XKR4: variants seen among roughly 807,000 people sequenced by gnomAD.
XKR4 encodes XK-related protein 4.
A neutral mutation model predicts 53.9 loss-of-function variants in XKR4; 12 were observed. That is an observed-to-expected ratio of 0.22 (90% CI 0.14 to 0.36). XKR4 has a LOEUF of 0.36. XKR4 is among the 10% of genes least tolerant of loss of function. The pLI is 1.00. For synonymous variants in XKR4, 354 were observed against 362.4 expected (o/e 0.98, Z 0.26); for missense variants, 799 against 859.5 (o/e 0.93, Z 0.88).
At position 55,103,242 on chromosome 8, in the gene XKR4, A is replaced by G. The variant is rs1456693906; in HGVS notation, c.754A>G (p.Ile252Val). The G allele has an allele frequency of 2.5e-6, 4 of 1,613,820 alleles. No individual in the cohort carries two copies. Among genetic ancestry groups the G allele is most frequent in the African/African-American group, 1.3e-5 (1 of 75,050 alleles). Residue 252 changes from isoleucine to valine, a missense_variant, in exon 1 of 3, where the codon ATC (isoleucine) becomes GTC (valine). Transcript: ENST00000327381. ...KHRSASCSFC[I>V]WLLQSLIHIL... is the part of the protein sequence containing the mutation. ...CAGGTCTGCGTCCTGCTCCTTCTGC[A>G]TCTGGCTCCTGCAGTCACTCATCCA...
intron 1 of XKR4, among the ~76,000 whole-genome samples, chr8:55,127,238 CTCTT>C (rs1486047700): frequency 0.017 from 691 of 39,900 alleles, 7 homozygotes; most frequent in African/African-American, 0.063. Flanking sequence ...AGGTGCCTAA[CTCTT>C]TTTTTTTTTT....
chr8:55,427,089 T>C (rs1482945407), intron 2 of XKR4, among the ~76,000 whole-genome samples: 1 of 152,212 alleles, frequency 6.6e-6, no homozygotes, highest in Non-Finnish European at 1.5e-5. Flanking sequence ...ATTATTACTG[T>C]AGTACTACAT....
intron 2 of XKR4, among the ~76,000 whole-genome samples, chr8:55,400,152 C>T (rs777848534): frequency 9.2e-5 from 14 of 152,162 alleles, no homozygotes; most frequent in Non-Finnish European, 2.1e-4. Flanking sequence ...CACAACCACA[C>T]ATAAGTCCAC....
chr8:55,316,384 A>G (rs1819475701), intron 1 of XKR4, among the ~76,000 whole-genome samples: 2 of 152,240 alleles, frequency 1.3e-5, no homozygotes, highest in South Asian at 4.1e-4. Context: ...ATGTAGCGAG[A>G]AAGCCAAGGA....
At chr8:55,369,401 G>GAAA (rs1322177535) in intron 2 of XKR4, among the ~76,000 whole-genome samples, 1 of 87,696 alleles carries the variant, frequency 1.1e-5, no homozygotes, top group Non-Finnish European at 2.3e-5. Flanking sequence ...GGAGGGGAGG[G>GAAA]GAGGGAAAGG....
intron 1 of XKR4, among the ~76,000 whole-genome samples, chr8:55,244,712 T>C (rs1174505901): frequency 6.6e-6 from 1 of 152,192 alleles, no homozygotes; most frequent in Non-Finnish European, 1.5e-5. Context: ...TTCTCCGCAA[T>C]CACACCAGCA....
chr8:55,217,125 C>T (rs1210801376), intron 1 of XKR4, among the ~76,000 whole-genome samples: 1 of 151,368 alleles, frequency 6.6e-6, no homozygotes, highest in East Asian at 2.0e-4. Context: ...ACCTGTAGTC[C>T]CAGCTACTCG....
In XKR4 at chr8:55,129,129, C is replaced by G. The variant is rs140089101; in HGVS notation, c.806+25835C>G. 1.2e-3 allele frequency among the ~76,000 whole-genome samples: 190 copies of G among 152,274 alleles called. 1 individual carries two copies. In the Middle Eastern group the frequency reaches 0.044, roughly 35 times the overall value. ...AATATTTTTCATAAAGTTTTTGAGA[C>G]AGCACGAACATCTGTTGAGTTTTGA... On this transcript the variant is annotated intron_variant, in intron 1 of 2. Coordinates refer to ENST00000327381, the MANE Select transcript of XKR4 (RefSeq NM_052898.2).
rs61034797 is a variant in XKR4 at position 55,207,358 on chromosome 8, C to T, written c.806+104064C>T. On this transcript the variant is annotated intron_variant, in intron 1 of 2. Transcript: ENST00000327381. ...GAGATTCAGGATGCTGTGTCAATCT[C>T]ACATTCTCTGTGACCATGCCTTTCC... 6.6e-5 allele frequency among the ~76,000 whole-genome samples: 10 copies of T among 152,296 alleles called. No homozygotes were observed. In the East Asian group the frequency reaches 1.9e-3, roughly 29 times the overall value.
At chr8:55,515,104 A>C (rs1461714601) in intron 2 of XKR4, among the ~76,000 whole-genome samples, 2 of 152,234 alleles carry the variant, frequency 1.3e-5, no homozygotes, top group Non-Finnish European at 1.5e-5. Flanking sequence ...TTTTATATTA[A>C]AACTTTTTTT....
At chr8:55,439,094 T>C (rs1480887171) in intron 2 of XKR4, among the ~76,000 whole-genome samples, 1 of 152,228 alleles carries the variant, frequency 6.6e-6, no homozygotes, top group Non-Finnish European at 1.5e-5. Context: ...GATTAAAATG[T>C]CTTTTGTGAG....
chr8:55,372,992 T>G (rs1424980923), intron 2 of XKR4, among the ~76,000 whole-genome samples: 2 of 152,104 alleles, frequency 1.3e-5, no homozygotes, highest in Non-Finnish European at 2.9e-5. Flanking sequence ...ACATGGAGAT[T>G]CACTCTTCAA....
At chr8:55,444,496 A>T (rs984004720) in intron 2 of XKR4, among the ~76,000 whole-genome samples, 6 of 152,242 alleles carry the variant, frequency 3.9e-5, no homozygotes. Flanking sequence ...TATCCAGAAT[A>T]TGTAAAGAAC....
chr8:55,176,759 A>T (rs962870755), intron 1 of XKR4, among the ~76,000 whole-genome samples: 2 of 151,852 alleles, frequency 1.3e-5, no homozygotes, highest in African/African-American at 4.8e-5. Flanking sequence ...AAAATAGCTA[A>T]TTTTTTTCTC....
At chr8:55,178,755 A>C (rs934517434) in intron 1 of XKR4, among the ~76,000 whole-genome samples, 1 of 152,188 alleles carries the variant, frequency 6.6e-6, no homozygotes, top group Non-Finnish European at 1.5e-5. Context: ...CCAGAGTTGG[A>C]AAAACCTTTT....
intron 2 of XKR4, among the ~76,000 whole-genome samples, chr8:55,486,163 G>T (rs1202087583): frequency 6.6e-6 from 1 of 152,158 alleles, no homozygotes; most frequent in East Asian, 1.9e-4. Context: ...AGAAAGTGAG[G>T]TATAAGTGCG....
chr8:55,455,533 TA>T (rs1805557653), intron 2 of XKR4, among the ~76,000 whole-genome samples: 1 of 152,166 alleles, frequency 6.6e-6, no homozygotes, highest in Non-Finnish European at 1.5e-5. Flanking sequence ...CCTTCCTCGC[TA>T]AAAGTGGAAA....
intron 1 of XKR4, among the ~76,000 whole-genome samples, chr8:55,355,948 T>C (rs1209857481): frequency 6.6e-6 from 1 of 152,196 alleles, no homozygotes; most frequent in Non-Finnish European, 1.5e-5. Flanking sequence ...CAACTAAAAC[T>C]GTGAAACTTT....
intron 2 of XKR4, chr8:55,454,879 T>C (rs1003182263): frequency 1.4e-5 from 11 of 764,042 alleles, no homozygotes; most frequent in Admixed American, 7.3e-5. Flanking sequence ...TTAGCGCGTG[T>C]CGTTTCCTGC....
Sources: gnomAD v4.1 joint callset for allele counts (sites outside exome capture counted in the v4.1 genomes callset) on GRCh38, gnomAD v4.1.1 for gene constraint, MANE v1.5 for transcripts, NCBI Gene and HGNC (gene_info 2026-07-23, HGNC 2026-07-21) for gene names.